RHCE: variants seen among roughly 807,000 people sequenced by gnomAD.
The protein encoded by RHCE is blood group Rh(CE) polypeptide.
A neutral mutation model predicts 43.8 loss-of-function variants in RHCE; 22 were observed. That is an observed-to-expected ratio of 0.50 (90% CI 0.36 to 0.72). The LOEUF is 0.72. Ranked by LOEUF, RHCE falls within the 30% of genes least tolerant of loss-of-function variation. The pLI, the probability that RHCE is intolerant of heterozygous loss-of-function variation, is 0.00. For synonymous variants in RHCE, 156 were observed against 210.7 expected (o/e 0.74, Z 2.25); for missense variants, 385 against 525.4 (o/e 0.73, Z 2.61).
intron 1 of RHCE, among the ~76,000 whole-genome samples, chr1:25,414,160 C>T (rs908172966): frequency 6.1e-4 from 92 of 151,558 alleles, no homozygotes; most frequent in African/African-American, 2.1e-3. Context: ...AGACTGCTCT[C>T]CCCCAGGCCT....
intron 6 of RHCE, among the ~76,000 whole-genome samples, chr1:25,387,889 C>A (rs965891034): frequency 6.6e-6 from 1 of 151,656 alleles, no homozygotes. Flanking sequence ...GGCGCAATTT[C>A]GGCTCACTGC....
At chr1:25,417,530 G>GA (rs1305735308) in intron 1 of RHCE, among the ~76,000 whole-genome samples, 1 of 152,136 alleles carries the variant, frequency 6.6e-6, no homozygotes, top group Non-Finnish European at 1.5e-5. Context: ...AATCAGATCT[G>GA]ACAAGTCAAT....
intron 7 of RHCE, among the ~76,000 whole-genome samples, chr1:25,378,167 A>G (rs1431588878): frequency 6.6e-6 from 1 of 152,248 alleles, no homozygotes; most frequent in East Asian, 1.9e-4. Flanking sequence ...GGAAAACACC[A>G]AGTGTTAACA....
chr1:25,399,908 ATAAG>A (rs781636662), intron 3 of RHCE, among the ~76,000 whole-genome samples: 1 of 152,196 alleles, frequency 6.6e-6, no homozygotes, highest in African/African-American at 2.4e-5. Flanking sequence ...ATATAAAACT[ATAAG>A]TAATAAATTG....
chr1:25,412,883 G>A (rs1324848506), intron 1 of RHCE, among the ~76,000 whole-genome samples: 1 of 151,968 alleles, frequency 6.6e-6, no homozygotes, highest in Non-Finnish European at 1.5e-5. Flanking sequence ...AATTAGCCTG[G>A]CATGGTGGCG....
Position 25,414,319 on chromosome 1 carries a change from C to A in RHCE, c.149-5450G>T, listed in dbSNP as rs531884241. On this transcript the variant is annotated intron_variant, in intron 1 of 9. Transcript: ENST00000294413. ...TCCCACTCTTGCCCCTCCCTCTGGC[C>A]TGCAGAAACTTCAGCACCAAGAGCT... 3.3e-5 allele frequency among the ~76,000 whole-genome samples: 5 copies of A among 152,220 alleles called. No homozygotes were observed. In the South Asian group the frequency reaches 1.0e-3, roughly 32 times the overall value.
intron 7 of RHCE, among the ~76,000 whole-genome samples, chr1:25,376,658 T>C (rs1645796062): frequency 6.6e-6 from 1 of 152,170 alleles, no homozygotes. Flanking sequence ...CTCACACCTG[T>C]AATCCCCGCA....
chr1:25,385,455 G>A lies in RHCE; in HGVS notation c.1073+256C>T, dbSNP rs540766351. The A allele has an allele frequency of 7.8e-5, 44 of 561,148 alleles. No homozygotes were observed. In the East Asian group the frequency reaches 1.1e-3, roughly 14 times the overall value. 34.8% of individuals were successfully genotyped at this position (561,148 alleles called of 1,614,324 possible). On this transcript the variant is annotated intron_variant, in intron 7 of 9. Coordinates refer to ENST00000294413, the MANE Select transcript of RHCE (RefSeq NM_020485.8). ...ATTTGACCTGCTCTGTGTTTGTGGGGTCACAGAAGATTTCGTGTCTTTGGT... is the reference window on the plus strand; with the variant it reads ...ATTTGACCTGCTCTGTGTTTGTGGGATCACAGAAGATTTCGTGTCTTTGGT...
At chr1:25,417,272 C>A (rs1340869706) in intron 1 of RHCE, among the ~76,000 whole-genome samples, 3 of 151,926 alleles carry the variant, frequency 2.0e-5, no homozygotes, top group Admixed American at 6.6e-5. Context: ...TTAGAATTGG[C>A]AGGTTTGAAT....
intron 8 of RHCE, among the ~76,000 whole-genome samples, chr1:25,374,157 C>T (rs967188995): frequency 3.3e-5 from 5 of 150,588 alleles, no homozygotes; most frequent in African/African-American, 7.4e-5. Flanking sequence ...GACAGAGTCT[C>T]GGCCCACTGC....
chr1:25,395,676 A>T (rs1557623534), intron 3 of RHCE, among the ~76,000 whole-genome samples: 1 of 152,170 alleles, frequency 6.6e-6, no homozygotes, highest in Non-Finnish European at 1.5e-5. Context: ...GCAGAGAGAA[A>T]AGGCAGAAAA....
intron 9 of RHCE, among the ~76,000 whole-genome samples, chr1:25,369,551 CACA>C (rs1359220541): frequency 6.6e-6 from 1 of 151,306 alleles, no homozygotes. Context: ...CTAGCCCAGT[CACA>C]ACAACAAATG....
At chr1:25,412,530 T>A (rs1029895693) in intron 1 of RHCE, among the ~76,000 whole-genome samples, 1 of 151,780 alleles carries the variant, frequency 6.6e-6, no homozygotes, top group African/African-American at 2.4e-5. Flanking sequence ...CTAGGCAACA[T>A]AGCAAGACCT....
rs1053373 is a variant in RHCE at position 25,385,792 on chromosome 1, A to T, written c.992T>A (p.Ile331Asn). ...GIHHISVMHS[I>N]FSLLGLLGEI... ...TCCAAGCAGACCCAGCAAGCTGAAGATGGAGTGCATGACGGAGATGTGGTG... is the reference window on the plus strand; with the variant it reads ...TCCAAGCAGACCCAGCAAGCTGAAGTTGGAGTGCATGACGGAGATGTGGTG... The change falls in exon 7 of 10, where the codon ATC becomes AAC. Residue 331 changes from isoleucine (I) to asparagine (N), a missense_variant. Ile to Asn is a moderately radical substitution (Grantham distance 149). This residue lies in a region of RHCE where 82 missense variants were observed against 69.2 expected (regional missense o/e 1.18). Coordinates refer to ENST00000294413, the MANE Select transcript of RHCE (RefSeq NM_020485.8). 1 of 1,614,044 alleles carries T rather than the reference A, an allele frequency of 6.2e-7. No individual in the cohort carries two copies. The highest frequency in any genetic ancestry group is 1.1e-5 in the South Asian group (1 of 91,078).
chr1:25,428,798 A>C (rs958018535), intron 2 of RHCE, among the ~76,000 whole-genome samples: 1 of 152,226 alleles, frequency 6.6e-6, no homozygotes. Flanking sequence ...TTTGATCTCC[A>C]AGAAGCTTTT....
chr1:25,403,607 T>C (rs1360767614), intron 2 of RHCE, among the ~76,000 whole-genome samples: 1 of 151,838 alleles, frequency 6.6e-6, no homozygotes, highest in Admixed American at 6.6e-5. Context: ...ACTAAGAATA[T>C]CTGTGATATC....
In RHCE at chr1:25,390,721, T is replaced by C. The variant is rs757757676; in HGVS notation, c.801+28A>G. On this transcript the variant is annotated intron_variant, in intron 5 of 9. Coordinates refer to ENST00000294413, the MANE Select transcript of RHCE (RefSeq NM_020485.8). ...GTGTGCTAGTCCTGTTAGACCCAAG[T>C]GCTGCCCAAGGGCAGCGCCCTGCTC... is the stretch of plus-strand genomic sequence containing the variant. The C allele has an allele frequency of 1.1e-5, 18 of 1,613,838 alleles. No individual in the cohort carries two copies. In the Admixed American group the frequency reaches 1.2e-4, roughly 10 times the overall value.
intron 1 of RHCE, among the ~76,000 whole-genome samples, chr1:25,409,198 C>T (rs1234460237): frequency 1.6e-5 from 2 of 123,726 alleles, no homozygotes; most frequent in African/African-American, 5.0e-5. Context: ...GTAAAGTACA[C>T]GTGCTTGATG....
intron 1 of RHCE, among the ~76,000 whole-genome samples, chr1:25,429,221 GTTTTTTTTT>G (rs386366538): frequency 1.8e-5 from 2 of 112,384 alleles, no homozygotes; most frequent in Non-Finnish European, 3.5e-5. Flanking sequence ...TTCCTGGGAA[GTTTTTTTTT>G]TTTTTTTTTT....
Sources: gnomAD v4.1 joint callset for allele counts (sites outside exome capture counted in the v4.1 genomes callset) on GRCh38, gnomAD v4.1.1 for gene constraint, gnomAD v4.1.1 regional missense constraint, MANE v1.5 for transcripts, NCBI Gene and HGNC (gene_info 2026-07-23, HGNC 2026-07-21) for gene names.